The following SSH2 variants were observed in gnomAD, a reference collection of about 807,000 sequenced individuals.
SSH2 encodes the protein slingshot protein phosphatase 2, also known as protein phosphatase Slingshot homolog 2.
A neutral mutation model predicts 135.2 loss-of-function variants in SSH2; 37 were observed. The observed-to-expected ratio is 0.27, with a 90% CI of 0.21 to 0.36. The LOEUF is 0.36. Among genes scored for constraint, SSH2 ranks in the 10% least tolerant of loss-of-function variants. The probability of loss-of-function intolerance (pLI) is 1.00; values close to 1 mark genes in which losing one functional copy is unlikely to be tolerated. For missense variants in SSH2, 1,408 were observed against 1,765.3 expected, an observed-to-expected ratio of 0.80 and a Z score of 3.63; for synonymous variants, 628 against 646.2, an observed-to-expected ratio of 0.97 and a Z score of 0.43.
In SSH2 at chr17:29,719,234, T is replaced by C. The variant is rs561386064; in HGVS notation, c.189-16172A>G. Among the ~76,000 whole-genome samples, 7 of 152,346 alleles carry C rather than the reference T, an allele frequency of 4.6e-5. No homozygotes were observed. The South Asian group carries it at 1.4e-3, about 32-fold the overall frequency. On this transcript the variant is annotated intron_variant, in intron 3 of 15. Transcript: ENST00000540801. ...AACTTCACCATTACTTCAGAAACTT[T>C]CATTTGTAGAAACTCAGAATCTGTT...
intron 11 of SSH2, among the ~76,000 whole-genome samples, chr17:29,661,061 C>CAAAAAAAAAAA (rs374216221): frequency 2.1e-5 from 1 of 48,332 alleles, no homozygotes; most frequent in African/African-American, 6.7e-5. Flanking sequence ...AATTCCATCT[C>CAAAAAAAAAAA]AAAAAAAAAA....
chr17:29,695,416 T>C (rs1034717490), intron 5 of SSH2, 43 bp downstream of exon 5: 1 of 1,542,632 alleles, frequency 6.5e-7, no homozygotes, highest in African/African-American at 1.4e-5. Context: ...CTATCTTAGA[T>C]AGTCTTTTGA....
intron 1 of SSH2, among the ~76,000 whole-genome samples, chr17:29,897,646 C>G (rs2066469561): frequency 6.6e-6 from 1 of 152,138 alleles, no homozygotes; most frequent in Non-Finnish European, 1.5e-5. Flanking sequence ...TAGAGACCTA[C>G]AAAGAGACTT....
At chr17:29,666,661 C>T (rs558937827) in intron 11 of SSH2, among the ~76,000 whole-genome samples, 5 of 152,082 alleles carry the variant, frequency 3.3e-5, no homozygotes, top group Admixed American at 2.6e-4. Context: ...CCAGCCTGGG[C>T]GACAGAGCGA....
chr17:29,886,736 G>T (rs1347836148), intron 1 of SSH2, among the ~76,000 whole-genome samples: 1 of 133,244 alleles, frequency 7.5e-6, no homozygotes, highest in Non-Finnish European at 1.6e-5. Flanking sequence ...GACAGAGAAA[G>T]ACTCCATCTC....
intron 2 of SSH2, among the ~76,000 whole-genome samples, chr17:29,807,380 C>T (rs2042364636): frequency 6.6e-6 from 1 of 152,084 alleles, no homozygotes. Flanking sequence ...TAGACAATTA[C>T]CTTTTCAGCT....
intron 1 of SSH2, among the ~76,000 whole-genome samples, chr17:29,876,741 C>T (rs946553906): frequency 6.6e-6 from 1 of 152,142 alleles, no homozygotes; most frequent in African/African-American, 2.4e-5. Context: ...AGAATTGAAT[C>T]TAAGACCTCA....
chr17:29,755,428 G>A (rs1166832390), intron 3 of SSH2, among the ~76,000 whole-genome samples: 1 of 152,022 alleles, frequency 6.6e-6, no homozygotes, highest in East Asian at 1.9e-4. Context: ...TTATATAGCG[G>A]CAAGGGTAGA....
chr17:29,762,823 C>A (rs2041354241), intron 3 of SSH2, among the ~76,000 whole-genome samples: 1 of 152,222 alleles, frequency 6.6e-6, no homozygotes, highest in East Asian at 1.9e-4. Flanking sequence ...TATGCTACAG[C>A]AAATATTTTC....
chr17:29,632,136 A>G lies in SSH2; in HGVS notation c.3058T>C (p.Tyr1020His), dbSNP rs2035707845. 1.2e-6 allele frequency: 2 copies of G among 1,614,112 alleles called. No homozygotes were observed. Among genetic ancestry groups the G allele is most frequent in the African/African-American group, 2.7e-5 (2 of 75,028 alleles). The change falls in exon 16 of 16, where the codon TAC (tyrosine) becomes CAC (histidine). Residue 1020 changes from tyrosine to histidine, a missense_variant. Tyr to His is a moderately conservative substitution (Grantham distance 83). Around this residue, in one of 3 missense-constraint regions of SSH2, gnomAD observed 1,080 missense variants for 1,144.5 expected, o/e 0.94. Coordinates refer to ENST00000540801, the MANE Select transcript of SSH2 (RefSeq NM_001282129.2). ...VLKDLRTVIP[Y>H]QESETQAVPL... ...ACTGCTTGTGTTTCAGACTCCTGGT[A>G]TGGAATCACAGTCCTCAGATCCTTC...
At chr17:29,726,582 G>C (rs1014511394) in intron 3 of SSH2, among the ~76,000 whole-genome samples, 2 of 152,156 alleles carry the variant, frequency 1.3e-5, no homozygotes, top group African/African-American at 4.8e-5. Context: ...AGAATAAAGA[G>C]AATATAGATA....
At chr17:29,727,075 G>A (rs1051694802) in intron 3 of SSH2, among the ~76,000 whole-genome samples, 1 of 152,172 alleles carries the variant, frequency 6.6e-6, no homozygotes, top group African/African-American at 2.4e-5. Flanking sequence ...TACAGCATTA[G>A]GGAGGAACAG....
intron 14 of SSH2, among the ~76,000 whole-genome samples, chr17:29,647,492 T>C (rs1272113689): frequency 6.6e-6 from 1 of 152,036 alleles, no homozygotes; most frequent in African/African-American, 2.4e-5. Flanking sequence ...CCTAGTCTTA[T>C]AAGATGTTGA....
chr17:29,732,624 GTC>G (rs757728598), intron 3 of SSH2, among the ~76,000 whole-genome samples: 4 of 152,114 alleles, frequency 2.6e-5, no homozygotes, highest in African/African-American at 7.2e-5. Context: ...TCATTTTACT[GTC>G]TCTCTCTATA....
intron 3 of SSH2, among the ~76,000 whole-genome samples, chr17:29,752,886 C>T (rs1373832102): frequency 1.3e-5 from 2 of 150,588 alleles, no homozygotes; most frequent in East Asian, 1.9e-4. Context: ...AAAGATGCTA[C>T]ACCTCCATAG....
At position 29,631,736 on chromosome 17, in the gene SSH2, G is replaced by C; in HGVS notation, c.3458C>G (p.Ser1153Cys). 6.2e-7 allele frequency: 1 copy of C among 1,614,214 alleles called. No individual in the cohort carries two copies. The highest frequency in any genetic ancestry group is 8.5e-7 in the Non-Finnish European group (1 of 1,180,046). ...PFVSHTTHLL[S>C]ASLDYLHPQT... ...GGGATGCAGGTAATCCAAACTGGCA[G>C]ACAGTAAATGGGTTGTATGACTGAC... The change falls in exon 16 of 16, where the codon TCT becomes TGT. Residue 1153 changes from serine (S) to cysteine (C), a missense_variant. This residue lies in a region of SSH2 where 1,080 missense variants were observed against 1,144.5 expected (regional missense o/e 0.94). Coordinates refer to ENST00000540801, the MANE Select transcript of SSH2 (RefSeq NM_001282129.2).
At chr17:29,833,290 AC>A (rs1237074037) in intron 2 of SSH2, among the ~76,000 whole-genome samples, 2 of 152,142 alleles carry the variant, frequency 1.3e-5, no homozygotes, top group Non-Finnish European at 2.9e-5. Context: ...ATATATATTT[AC>A]AATTGTTATA....
chr17:29,656,873 A>C (rs1253539376), intron 11 of SSH2, among the ~76,000 whole-genome samples: 1 of 152,220 alleles, frequency 6.6e-6, no homozygotes, highest in Admixed American at 6.5e-5. Context: ...AACCTGATAC[A>C]CTATACATAT....
At chr17:29,689,986 C>G (rs1437373635) in intron 5 of SSH2, among the ~76,000 whole-genome samples, 1 of 144,026 alleles carries the variant, frequency 6.9e-6, no homozygotes, top group Non-Finnish European at 1.5e-5. Context: ...TGCATTCCAG[C>G]CTGGGTGACA....
Sources: gnomAD v4.1 joint callset for allele counts (sites outside exome capture counted in the v4.1 genomes callset) on GRCh38, gnomAD v4.1.1 for gene constraint, gnomAD v4.1.1 regional missense constraint, MANE v1.5 for transcripts, NCBI Gene and HGNC (gene_info 2026-07-23, HGNC 2026-07-21) for gene names.